Variants in UTRN observed in about 807,000 individuals in gnomAD.
UTRN encodes the protein utrophin.
A neutral mutation model predicts 463.9 loss-of-function variants in UTRN; 283 were observed. The ratio of observed to expected loss-of-function variants is 0.61; its 90% confidence interval spans 0.55 to 0.67. The LOEUF (loss-of-function observed/expected upper bound fraction) is 0.67. Ranked by LOEUF, UTRN falls within the 30% of genes least tolerant of loss-of-function variation. The probability of loss-of-function intolerance (pLI) is 0.00; values close to 1 mark genes in which losing one functional copy is unlikely to be tolerated. For missense variants in UTRN, 3,922 were observed against 4,084.3 expected, an observed-to-expected ratio of 0.96 and a Z score of 1.08; for synonymous variants, 1,442 against 1,431.5, an observed-to-expected ratio of 1.01 and a Z score of -0.17.
chr6:144,297,475 G>A (rs1028343096), intron 2 of UTRN, among the ~76,000 whole-genome samples: 1 of 152,112 alleles, frequency 6.6e-6, no homozygotes, highest in Non-Finnish European at 1.5e-5. Context: ...GGCAGTCATC[G>A]GTCTATTTCT....
intron 63 of UTRN, among the ~76,000 whole-genome samples, chr6:144,795,722 AT>A (rs1777153668): frequency 6.6e-6 from 1 of 151,218 alleles, no homozygotes; most frequent in Non-Finnish European, 1.5e-5. Flanking sequence ...GGGGTTGTTT[AT>A]TTTTTTCTTG....
At chr6:144,288,876 G>C (rs2114502759) in intron 1 of UTRN, among the ~76,000 whole-genome samples, 1 of 151,014 alleles carries the variant, frequency 6.6e-6, no homozygotes, top group Middle Eastern at 3.4e-3. Flanking sequence ...CAATTCCCCT[G>C]CCTCAGCCTC....
intron 2 of UTRN, chr6:144,330,703 C>T (rs6932679): frequency 0.024 from 11,536 of 488,144 alleles, 1,237 homozygotes; most frequent in African/African-American, 0.22. Context: ...AGGCGACAGG[C>T]TCCACACCTG....
intron 53 of UTRN, among the ~76,000 whole-genome samples, chr6:144,709,165 G>A (rs966216459): frequency 1.3e-5 from 2 of 152,120 alleles, no homozygotes; most frequent in South Asian, 4.1e-4. Flanking sequence ...ATTCGGGCAA[G>A]CTTTTAGTTC....
intron 1 of UTRN, among the ~76,000 whole-genome samples, chr6:144,289,038 G>A (rs1269967381): frequency 2.0e-5 from 3 of 152,088 alleles, no homozygotes; most frequent in African/African-American, 7.2e-5. Context: ...GACCTCAAGT[G>A]ATCTGCCTGC....
intron 1 of UTRN, among the ~76,000 whole-genome samples, chr6:144,291,123 C>T (rs114924203): frequency 0.014 from 2,096 of 152,194 alleles, 54 homozygotes; most frequent in African/African-American, 0.047. Flanking sequence ...TTCCCTCCTT[C>T]GAACCATCTA....
intron 58 of UTRN, among the ~76,000 whole-genome samples, chr6:144,771,584 CCTGG>C (rs111257772): frequency 0.014 from 2,092 of 152,072 alleles, 48 homozygotes; most frequent in African/African-American, 0.048. Flanking sequence ...CACCACCATA[CCTGG>C]CTAATTTTTG....
In UTRN at chr6:144,440,483, G is replaced by A. The variant is rs367563722; in HGVS notation, c.1512+12G>A. The A allele has an allele frequency of 2.5e-6, 4 of 1,613,928 alleles. No individual in the cohort carries two copies. The highest frequency in any genetic ancestry group is 1.7e-5 in the Admixed American group (1 of 59,986). On this transcript the variant is annotated intron_variant, in intron 13 of 74. Coordinates refer to ENST00000367545, the MANE Select transcript of UTRN (RefSeq NM_007124.3). ...AAGACCAGTTACAGGTAAGAGTGCT[G>A]TAAAGTTGGATAATCCTGAGGGACC...
intron 3 of UTRN, among the ~76,000 whole-genome samples, chr6:144,417,549 A>G (rs1278347660): frequency 6.6e-6 from 1 of 152,214 alleles, no homozygotes; most frequent in Non-Finnish European, 1.5e-5. Flanking sequence ...GCTTGCTATC[A>G]TTATGTCTAA....
At chr6:144,289,733 C>G (rs897753861) in intron 1 of UTRN, among the ~76,000 whole-genome samples, 2 of 152,142 alleles carry the variant, frequency 1.3e-5, no homozygotes, top group Admixed American at 6.5e-5. Flanking sequence ...ACTGTAACCA[C>G]CGCCTCCTGG....
At chr6:144,602,419 G>A (rs545218037) in intron 51 of UTRN, among the ~76,000 whole-genome samples, 4 of 152,012 alleles carry the variant, frequency 2.6e-5, no homozygotes, top group African/African-American at 9.7e-5. Flanking sequence ...AATTACAGGC[G>A]TGAGCCACTG....
chr6:144,849,785 G>A (rs1262820570), intron 74 of UTRN, among the ~76,000 whole-genome samples: 1 of 152,114 alleles, frequency 6.6e-6, no homozygotes, highest in Non-Finnish European at 1.5e-5. Flanking sequence ...TCATTCTCAA[G>A]GATAATGGAG....
chr6:144,377,726 T>C (rs564667355), intron 2 of UTRN, among the ~76,000 whole-genome samples: 2 of 152,350 alleles, frequency 1.3e-5, no homozygotes, highest in East Asian at 1.9e-4. Flanking sequence ...ACTCTGTCTC[T>C]GGTTACAAGT....
chr6:144,758,618 T>C (rs1792274215), intron 58 of UTRN, among the ~76,000 whole-genome samples: 1 of 152,178 alleles, frequency 6.6e-6, no homozygotes, highest in Non-Finnish European at 1.5e-5. Context: ...TTATATGACA[T>C]TTTATAAGTT....
intron 51 of UTRN, among the ~76,000 whole-genome samples, chr6:144,637,723 A>G (rs1777330946): frequency 6.6e-6 from 1 of 151,356 alleles, no homozygotes; most frequent in Non-Finnish European, 1.5e-5. Flanking sequence ...CCTAATGGAC[A>G]TTGGGTAATG....
At chr6:144,364,154 G>A (rs925963902) in intron 2 of UTRN, among the ~76,000 whole-genome samples, 6 of 152,200 alleles carry the variant, frequency 3.9e-5, no homozygotes, top group Non-Finnish European at 8.8e-5. Flanking sequence ...AGCTCTCTTC[G>A]TGGATTTCAA....
At chr6:144,662,547 A>G (rs1445316676) in intron 51 of UTRN, among the ~76,000 whole-genome samples, 2 of 152,184 alleles carry the variant, frequency 1.3e-5, no homozygotes, top group Non-Finnish European at 2.9e-5. Flanking sequence ...ACGATTTACC[A>G]CTTTTCATAT....
intron 2 of UTRN, among the ~76,000 whole-genome samples, chr6:144,381,218 A>G (rs1780889207): frequency 6.6e-6 from 1 of 152,038 alleles, no homozygotes; most frequent in Non-Finnish European, 1.5e-5. Context: ...GTTCCCTGCT[A>G]TATATCCATG....
chr6:144,827,302 A>G (rs1780270144), intron 66 of UTRN, 46 bp from the exon 67 acceptor site: 2 of 1,609,510 alleles, frequency 1.2e-6, no homozygotes, highest in Non-Finnish European at 1.7e-6. Context: ...AAATTGCTCT[A>G]AAGTGTTTGT....
Sources: gnomAD v4.1 joint callset for allele counts (sites outside exome capture counted in the v4.1 genomes callset) on GRCh38, gnomAD v4.1.1 for gene constraint, MANE v1.5 for transcripts, NCBI Gene and HGNC (gene_info 2026-07-23, HGNC 2026-07-21) for gene names.